Variants in WDR64 observed in about 807,000 individuals in gnomAD.
WDR64 encodes WD repeat domain 64.
Under a neutral mutation model 139.3 loss-of-function variants are expected in WDR64, and 112 were observed. The ratio of observed to expected loss-of-function variants is 0.80; its 90% CI spans 0.69 to 0.94. WDR64 has a LOEUF of 0.94. WDR64 is among the 40% of genes least tolerant of loss of function. The pLI is 0.00. For missense variants in WDR64, 1,206 were observed against 1,293.1 expected (o/e 0.93, Z 1.03); for synonymous variants, 444 against 437.7 (o/e 1.01, Z -0.18).
intron 9 of WDR64, among the ~76,000 whole-genome samples, chr1:241,712,231 C>T (rs10802980): frequency 0.82 from 124,102 of 151,920 alleles, 51,190 homozygotes; most frequent in African/African-American, 0.89. Context: ...TATGTGTGTG[C>T]GTGTGCCTTT....
At chr1:241,798,677 G>A (rs1027310171) in intron 27 of WDR64, among the ~76,000 whole-genome samples, 5 of 152,106 alleles carry the variant, frequency 3.3e-5, no homozygotes, top group Non-Finnish European at 5.9e-5. Context: ...CACTGTTCTG[G>A]GCACCAGGAA....
rs73124327 is a variant in WDR64, at chr1:241,751,255, C to A, written c.1770+1533C>A. Among the ~76,000 whole-genome samples, 1,403 of 152,250 alleles carry A rather than the reference C, an allele frequency of 9.2e-3. 25 individuals carry two copies. The highest frequency in any genetic ancestry group is 0.033 in the African/African-American group (1,353 of 41,554). ...ATGGTGGGATGGTTGTCAGACTAAT[C>A]TGGTAGCCAGGCCATTTTTTTTCCA... On this transcript the variant is annotated intron_variant, in intron 14 of 27. Coordinates refer to ENST00000437684, the MANE Select transcript of WDR64 (RefSeq NM_001367482.1).
chr1:241,783,706 G>A (rs867833129), intron 23 of WDR64, among the ~76,000 whole-genome samples: 2 of 152,136 alleles, frequency 1.3e-5, no homozygotes, highest in Admixed American at 6.5e-5. Flanking sequence ...AAGTCATAGA[G>A]GGGGGCTCAG....
At chr1:241,672,887 T>C (rs569498319) in intron 3 of WDR64, among the ~76,000 whole-genome samples, 93 of 152,252 alleles carry the variant, frequency 6.1e-4, no homozygotes, top group Non-Finnish European at 1.1e-3. Context: ...ACAGGTGTAC[T>C]GGGACTTGTA....
intron 6 of WDR64, among the ~76,000 whole-genome samples, chr1:241,683,179 A>G (rs1666876779): frequency 6.6e-6 from 1 of 152,076 alleles, no homozygotes; most frequent in Non-Finnish European, 1.5e-5. Context: ...GCTTACTTTA[A>G]TGTTTTCTTA....
chr1:241,705,512 A>T (rs949554915), intron 8 of WDR64, among the ~76,000 whole-genome samples: 2 of 150,600 alleles, frequency 1.3e-5, no homozygotes, highest in African/African-American at 4.9e-5. Flanking sequence ...ACTGCACTCC[A>T]GCCTGGGCGA....
At chr1:241,738,589 G>A (rs1553374096) in intron 11 of WDR64, 100 bp downstream of exon 11, 1 of 1,230,648 alleles carries the variant, frequency 8.1e-7, no homozygotes, top group Non-Finnish European at 1.1e-6. Flanking sequence ...AACAAAACTA[G>A]AAGGGTAATT....
At chr1:241,724,904 G>A (rs905310133) in intron 10 of WDR64, among the ~76,000 whole-genome samples, 4 of 151,924 alleles carry the variant, frequency 2.6e-5, no homozygotes, top group East Asian at 1.9e-4. Flanking sequence ...CACACGTCAG[G>A]GAAAATGACA....
intron 8 of WDR64, among the ~76,000 whole-genome samples, chr1:241,709,684 T>C (rs1255445250): frequency 6.6e-6 from 1 of 152,172 alleles, no homozygotes; most frequent in East Asian, 1.9e-4. Context: ...GTAAAAAGTA[T>C]AGTCCAGAGG....
intron 2 of WDR64, among the ~76,000 whole-genome samples, chr1:241,666,671 C>T (rs1169671688): frequency 1.3e-5 from 2 of 152,130 alleles, no homozygotes; most frequent in African/African-American, 4.8e-5. Context: ...CCTGTACTGT[C>T]TCTGGAAAAA....
chr1:241,734,545 G>A (rs993335392), intron 10 of WDR64, among the ~76,000 whole-genome samples: 1 of 151,862 alleles, frequency 6.6e-6, no homozygotes, highest in African/African-American at 2.4e-5. Flanking sequence ...AAAATGTATT[G>A]TCTGTACAAT....
At chr1:241,778,529 T>C (rs1270474965) in intron 21 of WDR64, among the ~76,000 whole-genome samples, 1 of 152,214 alleles carries the variant, frequency 6.6e-6, no homozygotes, top group Non-Finnish European at 1.5e-5. Context: ...TGAATTAGTA[T>C]CTACCATATT....
chr1:241,768,422 AC>A (rs1658274698), intron 16 of WDR64, among the ~76,000 whole-genome samples: 1 of 152,064 alleles, frequency 6.6e-6, no homozygotes, highest in Non-Finnish European at 1.5e-5. Flanking sequence ...TTCACCTAAG[AC>A]CCCTTCACCA....
chr1:241,709,338 G>T (rs183950515), intron 8 of WDR64, among the ~76,000 whole-genome samples: 1 of 152,154 alleles, frequency 6.6e-6, no homozygotes, highest in Non-Finnish European at 1.5e-5. Context: ...TTGGGCAGCT[G>T]TGGCAAGAAT....
intron 13 of WDR64, among the ~76,000 whole-genome samples, chr1:241,747,108 CT>C (rs1211861179): frequency 7.0e-4 from 107 of 152,150 alleles, no homozygotes. Context: ...AAATGACAAA[CT>C]TTTAGATAAG....
chr1:241,676,357 T>C (rs1411976867), intron 4 of WDR64: 2 of 152,212 alleles, frequency 1.3e-5, no homozygotes, highest in East Asian at 3.8e-4. Context: ...TCATTAGAGT[T>C]CCTCAGCAAA....
chr1:241,799,223 AT>A lies in WDR64; in HGVS notation c.3193-1908del, dbSNP rs1478506124. ...TCTCCAAAAAAAAAAAAAAAAAAAA[AT>A]ACAAAAATTAGCCGGGTGTGGTGGT... On this transcript the variant is annotated intron_variant, in intron 27 of 27. Transcript: ENST00000437684. Among the ~76,000 whole-genome samples the A allele has an allele frequency of 9.1e-4, 119 of 131,486 alleles. 1 individual carries two copies. The highest frequency in any genetic ancestry group is 2.1e-3 in the African/African-American group (75 of 36,090). 86.3% of individuals were successfully genotyped at this position (131,486 alleles called of 152,430 possible).
intron 8 of WDR64, among the ~76,000 whole-genome samples, chr1:241,710,675 G>T (rs974350393): frequency 1.3e-5 from 2 of 152,192 alleles, no homozygotes; most frequent in Non-Finnish European, 2.9e-5. Flanking sequence ...GACAGAAAGA[G>T]CTCAGTATGT....
At chr1:241,707,656 C>A (rs748229981) in intron 8 of WDR64, among the ~76,000 whole-genome samples, 3 of 152,100 alleles carry the variant, frequency 2.0e-5, no homozygotes, top group African/African-American at 4.8e-5. Flanking sequence ...TCTACCCCAA[C>A]CAGGGACCAC....
Sources: allele counts gnomAD v4.1 joint callset (sites outside exome capture counted in the v4.1 genomes callset), GRCh38; gene constraint gnomAD v4.1.1; transcripts MANE v1.5; gene names NCBI Gene and HGNC (gene_info 2026-07-23, HGNC 2026-07-21).